ADAMTSL1: variants seen among roughly 807,000 people sequenced by gnomAD.
ADAMTSL1 encodes ADAMTS-like protein 1.
In ADAMTSL1, 126 loss-of-function variants were observed where a neutral mutation model predicts 201.8. The ratio of observed to expected loss-of-function variants is 0.62; its 90% CI spans 0.54 to 0.72. The LOEUF is 0.72. Among genes scored for constraint, ADAMTSL1 ranks in the 30% least tolerant of loss-of-function variants. The pLI is 0.00. For missense variants in ADAMTSL1, 2,679 were observed against 2,277.8 expected (o/e 1.18, Z -3.59); for synonymous variants, 1,121 against 903.4 (o/e 1.24, Z -4.32).
At chr9:18,772,617 T>C (rs1384600074) in intron 17 of ADAMTSL1, among the ~76,000 whole-genome samples, 3 of 152,234 alleles carry the variant, frequency 2.0e-5, no homozygotes, top group Non-Finnish European at 4.4e-5. Context: ...GGAAATATAA[T>C]AGTATCCATC....
chr9:18,289,598 T>C (rs956774722), intron 2 of ADAMTSL1, among the ~76,000 whole-genome samples: 2 of 152,212 alleles, frequency 1.3e-5, no homozygotes, highest in African/African-American at 4.8e-5. Context: ...CAGGACTTTA[T>C]CTGCAATCAG....
intron 3 of ADAMTSL1, among the ~76,000 whole-genome samples, chr9:18,546,052 T>C (rs2132186913): frequency 6.6e-6 from 1 of 152,320 alleles, no homozygotes; most frequent in East Asian, 1.9e-4. Flanking sequence ...GTTAACAAGT[T>C]TTTGTACTAT....
intron 2 of ADAMTSL1, among the ~76,000 whole-genome samples, chr9:18,186,811 A>C (rs1422055841): frequency 4.0e-5 from 6 of 151,106 alleles, no homozygotes; most frequent in African/African-American, 1.2e-4. Context: ...TTGTGCCAGC[A>C]GTGCCTTCTT....
chr9:18,867,079 T>C (rs1827579073), intron 23 of ADAMTSL1, among the ~76,000 whole-genome samples: 1 of 152,204 alleles, frequency 6.6e-6, no homozygotes, highest in Admixed American at 6.5e-5. Context: ...GAAAAATCTC[T>C]ATTCCAAGAA....
At chr9:17,927,698 T>A (rs1020071959) in intron 1 of ADAMTSL1, among the ~76,000 whole-genome samples, 1 of 152,122 alleles carries the variant, frequency 6.6e-6, no homozygotes, top group African/African-American at 2.4e-5. Flanking sequence ...TATTAGGTAT[T>A]ATAAGTAATT....
In ADAMTSL1 at chr9:18,777,520, C is replaced by A. The variant is rs772733050; in HGVS notation, c.3291C>A (p.Ser1097Arg). ...QQPEELRDLY[S>R]KHLVAQLAQE... ...CCGAGGAGCTGCGCGACCTCTACAG[C>A]AAGCACCTGGTGGCCCAGCTGGCCC... The change falls in exon 19 of 29, where the codon AGC (serine) becomes AGA (arginine). Residue 1097 changes from serine to arginine, a missense_variant. By Grantham distance (110) the Ser-to-Arg change is moderately radical (BLOSUM62 -1). Transcript: ENST00000380548. 1.2e-6 allele frequency: 2 copies of A among 1,601,104 alleles called. No individual in the cohort carries two copies. Among genetic ancestry groups the A allele is most frequent in the East Asian group, 2.3e-5 (1 of 44,190 alleles).
chr9:18,392,160 C>T (rs1838079619), intron 2 of ADAMTSL1, among the ~76,000 whole-genome samples: 1 of 152,130 alleles, frequency 6.6e-6, no homozygotes, highest in Non-Finnish European at 1.5e-5. Flanking sequence ...TGGCACAAGT[C>T]ACCTAAATTA....
At chr9:18,175,018 A>G (rs191017150) in intron 2 of ADAMTSL1, among the ~76,000 whole-genome samples, 13 of 152,320 alleles carry the variant, frequency 8.5e-5, no homozygotes, top group Admixed American at 2.0e-4. Flanking sequence ...TTCTTTTGCT[A>G]AGAGAAAATA....
chr9:18,895,062 G>T (rs1157910430), intron 26 of ADAMTSL1, among the ~76,000 whole-genome samples: 1 of 152,188 alleles, frequency 6.6e-6, no homozygotes, highest in Non-Finnish European at 1.5e-5. Context: ...AAACTTGACT[G>T]ACAGGCAGTT....
rs1021554960 is a variant in ADAMTSL1, at chr9:18,777,254, G to C, written c.3025G>C (p.Glu1009Gln). The change falls in exon 19 of 29, where the codon GAG becomes CAG. Residue 1009 changes from glutamate (E) to glutamine (Q), a missense_variant. Transcript: ENST00000380548. ...NGIFSNGSKA[E>Q]KRGLAANPGS... ...GATCTTCTCCAACGGCAGCAAGGCG[G>C]AGAAGCGGGGCCTGGCCGCCAACCC... 4.3e-6 allele frequency: 7 copies of C among 1,611,860 alleles called. No homozygotes were observed. Among genetic ancestry groups the C allele is most frequent in the Non-Finnish European group, 5.9e-6 (7 of 1,179,468 alleles).
intron 20 of ADAMTSL1, among the ~76,000 whole-genome samples, chr9:18,801,472 A>AC (rs1822797495): frequency 6.6e-6 from 1 of 152,088 alleles, no homozygotes. Flanking sequence ...TTATTTCATC[A>AC]CCCAGGTACT....
chr9:18,328,596 G>T (rs368514181), intron 2 of ADAMTSL1, among the ~76,000 whole-genome samples: 4 of 152,276 alleles, frequency 2.6e-5, no homozygotes, highest in Non-Finnish European at 4.4e-5. Flanking sequence ...GCAGAGCTGG[G>T]CTATGAAAAC....
At chr9:18,561,836 G>A (rs114423659) in intron 3 of ADAMTSL1, among the ~76,000 whole-genome samples, 1 of 152,094 alleles carries the variant, frequency 6.6e-6, no homozygotes, top group Non-Finnish European at 1.5e-5. Context: ...TCAGAGACTA[G>A]GATTGTACCC....
chr9:18,118,233 A>G (rs184997095), intron 1 of ADAMTSL1, among the ~76,000 whole-genome samples: 5 of 152,328 alleles, frequency 3.3e-5, no homozygotes, highest in African/African-American at 4.8e-5. Context: ...ATTCTGGTTC[A>G]CTCAGTGATT....
At chr9:18,892,871 C>A (rs1157934964) in intron 26 of ADAMTSL1, among the ~76,000 whole-genome samples, 2 of 152,140 alleles carry the variant, frequency 1.3e-5, no homozygotes, top group Non-Finnish European at 2.9e-5. Flanking sequence ...TACATTATTA[C>A]ATTTATGTCC....
chr9:18,381,810 A>C (rs1369518821), intron 2 of ADAMTSL1, among the ~76,000 whole-genome samples: 1 of 152,016 alleles, frequency 6.6e-6, no homozygotes, highest in Non-Finnish European at 1.5e-5. Context: ...GATTCCCTTC[A>C]CATGCTCCTG....
chr9:18,099,355 A>ATAT lies in ADAMTSL1; in HGVS notation c.88-64506_88-64505insATT, dbSNP rs1239180390. ...TATATATATATATATATATATATATATTTTTTTTTTTTTTTTTAACATCCA... is the reference window on the plus strand; with the variant it reads ...TATATATATATATATATATATATATATATTTTTTTTTTTTTTTTTTAACATCCA... On this transcript the variant is annotated intron_variant, in intron 1 of 29. Coordinates refer to the ADAMTSL1 transcript ENST00000680146. Among the ~76,000 whole-genome samples, 257 of 45,506 alleles carry ATAT rather than the reference A, an allele frequency of 5.6e-3. 3 individuals are homozygous for ATAT. Among genetic ancestry groups the ATAT allele is most frequent in the South Asian group, 0.019 (23 of 1,204 alleles). The allele number at this position is 45,506 out of a possible 152,430, so 29.9% of individuals were successfully genotyped here.
chr9:18,073,650 T>C (rs1409390655), intron 1 of ADAMTSL1, among the ~76,000 whole-genome samples: 2 of 152,210 alleles, frequency 1.3e-5, no homozygotes, highest in Non-Finnish European at 2.9e-5. Flanking sequence ...TATCATGTTA[T>C]TGACATTTAA....
intron 2 of ADAMTSL1, among the ~76,000 whole-genome samples, chr9:18,211,838 C>A (rs543829346): frequency 1.3e-5 from 2 of 152,282 alleles, no homozygotes; most frequent in Admixed American, 1.3e-4. Flanking sequence ...CTTACACATT[C>A]CCAAAGCAAA....
Sources: gnomAD v4.1 joint callset for allele counts (sites outside exome capture counted in the v4.1 genomes callset) on GRCh38, gnomAD v4.1.1 for gene constraint, MANE v1.5 for transcripts, NCBI Gene and HGNC (gene_info 2026-07-23, HGNC 2026-07-21) for gene names.